PCM1: variants seen among roughly 807,000 people sequenced by gnomAD.
PCM1 encodes pericentriolar material 1.
In PCM1, 157 loss-of-function variants were observed where a neutral mutation model predicts 241.9. The observed-to-expected ratio is 0.65, with a 90% CI of 0.57 to 0.74. The LOEUF (loss-of-function observed/expected upper bound fraction) is 0.74. Ranked by LOEUF, PCM1 falls within the 30% of genes least tolerant of loss-of-function variation. PCM1 has a pLI of 0.00. For missense variants in PCM1, 3,478 were observed against 2,360.1 expected, an observed-to-expected ratio of 1.47 and a Z score of -9.81; for synonymous variants, 1,085 against 784.9, an observed-to-expected ratio of 1.38 and a Z score of -6.39.
chr8:17,968,573 G>T (rs957096145), intron 21 of PCM1, among the ~76,000 whole-genome samples: 2 of 151,994 alleles, frequency 1.3e-5, no homozygotes, highest in Non-Finnish European at 2.9e-5. Context: ...ATGAGGAGGA[G>T]TTAAAGGTGT....
Position 18,029,604 on chromosome 8 carries a change from C to T in PCM1, c.*1942C>T, listed in dbSNP as rs1327863563. On this transcript the variant is annotated 3_prime_UTR_variant, in exon 39 of 39. Transcript: ENST00000325083. ...GCTTATTTGACTGGTGTTACAGCTG[C>T]TATTAATCTAAGTCTATTGTTTTTC... is the stretch of plus-strand genomic sequence containing the variant. 4.9e-6 allele frequency: 1 copy of T among 204,616 alleles called. No homozygotes were observed. Among genetic ancestry groups the T allele is most frequent in the African/African-American group, 2.3e-5 (1 of 43,762 alleles). The allele number at this position is 204,616 out of a possible 1,614,324, so 12.7% of individuals were successfully genotyped here.
intron 1 of PCM1, among the ~76,000 whole-genome samples, chr8:17,923,704 G>C (rs1025470575): frequency 6.6e-6 from 1 of 152,182 alleles, no homozygotes; most frequent in Admixed American, 6.5e-5. Context: ...CAGTTGGGCT[G>C]TGAGCTGCAG....
At chr8:17,974,696 A>T (rs1019238699) in intron 23 of PCM1, among the ~76,000 whole-genome samples, 8 of 152,198 alleles carry the variant, frequency 5.3e-5, no homozygotes, top group Non-Finnish European at 1.0e-4. Context: ...TTTTCCAAAT[A>T]TATAATTCAG....
chr8:18,015,792 A>T (rs1588580563), intron 36 of PCM1: 1 of 152,212 alleles, frequency 6.6e-6, no homozygotes, highest in South Asian at 2.1e-4. Flanking sequence ...AAAGGTGTCC[A>T]TTGTGCTCAC....
intron 24 of PCM1, among the ~76,000 whole-genome samples, chr8:17,982,261 C>T (rs868257489): frequency 1.3e-5 from 2 of 152,230 alleles, no homozygotes; most frequent in Admixed American, 6.5e-5. Flanking sequence ...CTTTTACTCT[C>T]TACCAAATAG....
At chr8:18,020,714 GTT>G (rs1332677803) in intron 36 of PCM1, among the ~76,000 whole-genome samples, 1 of 152,222 alleles carries the variant, frequency 6.6e-6, no homozygotes, top group Admixed American at 6.5e-5. Context: ...TTCTTTCTCA[GTT>G]TAAGTCAGGA....
At position 17,960,106 on chromosome 8, in the gene PCM1, T is replaced by A; in HGVS notation, c.2133T>A (p.Asn711Lys). The change falls in exon 14 of 39, where the codon AAT becomes AAA. Residue 711 changes from asparagine to lysine, a missense_variant. Physicochemically the swap from Asn to Lys is moderately conservative, Grantham distance 94 (BLOSUM62 0). Coordinates refer to ENST00000325083, the MANE Select transcript of PCM1 (RefSeq NM_006197.4). ...AAGAAGACACCAAGCAAAATTCAAATAACACTAGAGGAAATGCCAATAAAA... is the reference window on the plus strand; with the variant it reads ...AAGAAGACACCAAGCAAAATTCAAAAAACACTAGAGGAAATGCCAATAAAA... Reference protein sequence around the residue: ...PAEEDTKQNSNNTRGNANKTQ... With the variant: ...PAEEDTKQNSKNTRGNANKTQ... The A allele has an allele frequency of 4.4e-6, 7 of 1,605,162 alleles. No individual in the cohort carries two copies. Among genetic ancestry groups the A allele is most frequent in the South Asian group, 1.1e-5 (1 of 89,842 alleles).
rs1446417051 is a variant in PCM1, at chr8:17,957,730, A to G, written c.1995A>G (p.Ala665=). 1.9e-6 allele frequency: 3 copies of G among 1,613,760 alleles called. No homozygotes were observed. Among genetic ancestry groups the G allele is most frequent in the Non-Finnish European group, 8.5e-7 (1 of 1,179,784 alleles). Residue 665 remains alanine, a synonymous_variant, in exon 13 of 39, where the codon GCA becomes GCG. Transcript: ENST00000325083. The part of the protein sequence containing the change: ...FEQKINRLMA[A]KQKLRQLQDL... Reference sequence around the variant, plus strand: ...AGAAGATCAACCGACTTATGGCTGCAAAACAGAAACTTAGACAGTTACAAG... The same window carrying G: ...AGAAGATCAACCGACTTATGGCTGCGAAACAGAAACTTAGACAGTTACAAG...
chr8:17,988,425 C>T (rs928934799), intron 26 of PCM1, among the ~76,000 whole-genome samples: 5 of 151,606 alleles, frequency 3.3e-5, no homozygotes, highest in East Asian at 1.9e-4. Context: ...GACCTAAAGT[C>T]GTGTAAAAGC....
Position 17,967,136 on chromosome 8 carries a change from A to G in PCM1, c.3378A>G (p.Ile1126Met), listed in dbSNP as rs766792262. The change falls in exon 21 of 39, where the codon ATA becomes ATG. Residue 1126 changes from isoleucine (I) to methionine (M), a missense_variant. Coordinates refer to ENST00000325083, the MANE Select transcript of PCM1 (RefSeq NM_006197.4). ...FPTQPVNLFN[I>M]PGFTNFSSFA... ...CACAGCCTGTAAATCTCTTCAATAT[A>G]CCTGGATTTACTAACTTTTCATCAT... is the stretch of plus-strand genomic sequence containing the variant. 1 of 1,601,066 alleles carries G rather than the reference A, an allele frequency of 6.2e-7. No individual in the cohort carries two copies. The highest frequency in any genetic ancestry group is 1.7e-5 in the Admixed American group (1 of 58,036).
chr8:18,012,407 A>G (rs2092645740), intron 34 of PCM1, among the ~76,000 whole-genome samples: 1 of 152,182 alleles, frequency 6.6e-6, no homozygotes, highest in South Asian at 2.1e-4. Context: ...TTATTCTATT[A>G]TTAGTTATTG....
intron 29 of PCM1, among the ~76,000 whole-genome samples, chr8:18,001,829 T>G (rs1414435828): frequency 6.6e-6 from 1 of 151,998 alleles, no homozygotes; most frequent in East Asian, 1.9e-4. Context: ...AGAAAGCACC[T>G]GTAGAAACTG....
intron 38 of PCM1, among the ~76,000 whole-genome samples, chr8:18,026,114 A>T (rs2094176106): frequency 9.0e-6 from 1 of 111,458 alleles, no homozygotes; most frequent in Non-Finnish European, 1.7e-5. Flanking sequence ...CGGTGAGCTG[A>T]GATAGCGCCA....
At position 17,938,966 on chromosome 8, in the gene PCM1, C is replaced by G. The variant is rs1396840890; in HGVS notation, c.569C>G (p.Ser190Cys). ...SNDLLQNCQV[S>C]EEDGRGEPAM... ...GACCTCTTGCAAAACTGTCAGGTGT[C>G]TGAAGAAGATGGGAGGGGAGAACCT... The change falls in exon 5 of 39, where the codon TCT (serine) becomes TGT (cysteine). Residue 190 changes from serine to cysteine, a missense_variant. Transcript: ENST00000325083. The G allele has an allele frequency of 6.2e-7, 1 of 1,613,722 alleles. No homozygotes were observed. The highest frequency in any genetic ancestry group is 8.5e-7 in the Non-Finnish European group (1 of 1,179,668).
rs1321780500 is a variant in PCM1 at position 17,964,756 on chromosome 8, A to C, written c.2843A>C (p.Glu948Ala). Residue 948 changes from glutamate to alanine, a missense_variant, in exon 18 of 39, where the codon GAA (glutamate) becomes GCA (alanine). Coordinates refer to ENST00000325083, the MANE Select transcript of PCM1 (RefSeq NM_006197.4). ...SVNHNSYNGK[E>A]TKNRWKNNCP... The stretch of plus-strand genomic sequence containing the variant: ...AATCATAACTCCTACAATGGAAAGG[A>C]AACTAAAAATAGGTTAGTTTCAGTA... The C allele has an allele frequency of 1.2e-6, 2 of 1,612,574 alleles. No individual in the cohort carries two copies. The highest frequency in any genetic ancestry group is 2.7e-5 in the African/African-American group (2 of 74,908).
At chr8:17,924,126 C>T (rs978065780) in intron 1 of PCM1, among the ~76,000 whole-genome samples, 2 of 152,252 alleles carry the variant, frequency 1.3e-5, no homozygotes, top group Admixed American at 6.5e-5. Context: ...AACCGCTTTC[C>T]AGACTCCGCC....
chr8:17,939,972 A>T (rs928912148), intron 6 of PCM1, 111 bp downstream of exon 6: 1 of 1,213,260 alleles, frequency 8.2e-7, no homozygotes, highest in African/African-American at 1.5e-5. Context: ...TCAAAAAATC[A>T]TGCCATCCAT....
At chr8:17,985,737 C>G in intron 25 of PCM1, 118 bp downstream of exon 25, 1 of 847,464 alleles carries the variant, frequency 1.2e-6, no homozygotes, top group East Asian at 2.8e-5. Context: ...TCTCTATGTG[C>G]TTTCTTGACA....
chr8:17,940,668 G>T (rs1053774935), intron 6 of PCM1, among the ~76,000 whole-genome samples: 1 of 152,148 alleles, frequency 6.6e-6, no homozygotes, highest in Non-Finnish European at 1.5e-5. Flanking sequence ...AATGGGACAG[G>T]ATAGCATTTA....
Sources: gnomAD v4.1 joint callset for allele counts (sites outside exome capture counted in the v4.1 genomes callset) on GRCh38, gnomAD v4.1.1 for gene constraint, MANE v1.5 for transcripts, NCBI Gene and HGNC (gene_info 2026-07-23, HGNC 2026-07-21) for gene names.